The following LRRIQ3 variants were observed in gnomAD, a reference collection of about 807,000 sequenced individuals.
LRRIQ3 encodes leucine rich repeats and IQ motif containing 3.
Under a neutral mutation model 59.3 loss-of-function variants are expected in LRRIQ3, and 75 were observed. That is an observed-to-expected ratio of 1.26 (90% CI 1.05 to 1.53). The LOEUF is 1.53. Among genes scored for constraint, LRRIQ3 ranks in the 40% most tolerant of loss-of-function variants. The pLI is 0.00. For missense variants in LRRIQ3, 831 were observed against 710.0 expected (o/e 1.17, Z -1.94); for synonymous variants, 250 against 231.3 (o/e 1.08, Z -0.73).
chr1:74,179,601 C>T (rs1233719117), intron 3 of LRRIQ3, among the ~76,000 whole-genome samples: 1 of 151,846 alleles, frequency 6.6e-6, no homozygotes, highest in Admixed American at 6.6e-5. Flanking sequence ...TCCATCGGTT[C>T]ATATTTATTC....
Position 74,074,895 on chromosome 1 carries a change from A to G in LRRIQ3, c.868-105T>C, listed in dbSNP as rs147438672. ...ACATTATCATGATTGATTTTCATTT[A>G]AAACATGAAAACAAAAACCTGTGAG... On this transcript the variant is annotated intron_variant, in intron 5 of 7. Coordinates refer to ENST00000354431, the MANE Select transcript of LRRIQ3 (RefSeq NM_001105659.2). 627 of 541,514 alleles carry G rather than the reference A, an allele frequency of 1.2e-3. 2 individuals carry two copies. Among genetic ancestry groups the G allele is most frequent in the African/African-American group, 0.011 (577 of 50,578 alleles). 33.5% of individuals were successfully genotyped at this position (541,514 alleles called of 1,614,324 possible). A position where few individuals can be genotyped will look rare whatever the true frequency, so the allele number is the denominator to read the frequency against.
In LRRIQ3 at chr1:74,182,841, G is replaced by T; in HGVS notation, c.270C>A (p.Thr90=). The change falls in exon 3 of 8, where the codon ACC becomes ACA. Residue 90 remains threonine (T), a synonymous_variant. Coordinates refer to ENST00000354431, the MANE Select transcript of LRRIQ3 (RefSeq NM_001105659.2). Reference sequence around the variant, plus strand: ...GGTTCTTCAATCCATTCCAAAATTTGGTATTTGGTAGACTCTTTATCTGAA... The same window carrying T: ...GGTTCTTCAATCCATTCCAAAATTTTGTATTTGGTAGACTCTTTATCTGAA... ...HGNQIKSLPN[T]KFWNGLKNLK... 1 of 1,509,864 alleles carries T rather than the reference G, an allele frequency of 6.6e-7. No homozygotes were observed. The highest frequency in any genetic ancestry group is 1.4e-5 in the South Asian group (1 of 71,706). 93.5% of individuals were successfully genotyped at this position (1,509,864 alleles called of 1,614,324 possible).
At chr1:74,119,234 T>A (rs914756229) in intron 4 of LRRIQ3, among the ~76,000 whole-genome samples, 4 of 152,166 alleles carry the variant, frequency 2.6e-5, no homozygotes, top group African/African-American at 9.6e-5. Flanking sequence ...ACTTTAAATT[T>A]TTTTTCAAAT....
At chr1:74,030,452 T>C (rs1207625305) in intron 7 of LRRIQ3, among the ~76,000 whole-genome samples, 1 of 151,960 alleles carries the variant, frequency 6.6e-6, no homozygotes, top group African/African-American at 2.4e-5. Flanking sequence ...TCAGAAATAA[T>C]ACCACACATC....
intron 5 of LRRIQ3, among the ~76,000 whole-genome samples, chr1:74,106,062 C>G (rs1224145171): frequency 6.6e-6 from 1 of 151,836 alleles, no homozygotes; most frequent in African/African-American, 2.4e-5. Context: ...TGCTGATAAC[C>G]AGGGAGAATC....
intron 5 of LRRIQ3, among the ~76,000 whole-genome samples, chr1:74,094,538 T>C (rs1646428984): frequency 1.3e-5 from 2 of 152,110 alleles, no homozygotes; most frequent in Admixed American, 1.3e-4. Context: ...ACATCAGCCA[T>C]GTAAACACTT....
chr1:74,054,452 G>A (rs1654462041), intron 6 of LRRIQ3, among the ~76,000 whole-genome samples: 2 of 152,054 alleles, frequency 1.3e-5, no homozygotes, highest in South Asian at 4.1e-4. Flanking sequence ...ATACCGCGAT[G>A]TTGGATAAAT....
chr1:74,062,560 C>T lies in LRRIQ3; in HGVS notation c.997+12101G>A, dbSNP rs532238424. On this transcript the variant is annotated intron_variant, in intron 6 of 7. Coordinates refer to ENST00000354431, the MANE Select transcript of LRRIQ3 (RefSeq NM_001105659.2). Reference sequence around the variant, plus strand: ...GGAATAGAAATCACAGCACTATTCACAGTAGCAAAGACACAGAATCAACCT... The same window carrying T: ...GGAATAGAAATCACAGCACTATTCATAGTAGCAAAGACACAGAATCAACCT... Among the ~76,000 whole-genome samples the T allele has an allele frequency of 2.0e-5, 3 of 152,158 alleles. No individual in the cohort carries two copies. In the East Asian group the frequency reaches 5.8e-4, roughly 29 times the overall value.
chr1:74,141,937 T>C (rs1328730942), intron 4 of LRRIQ3, among the ~76,000 whole-genome samples: 1 of 151,738 alleles, frequency 6.6e-6, no homozygotes, highest in Non-Finnish European at 1.5e-5. Flanking sequence ...TTCTCATTAT[T>C]TTTAAAGGTG....
chr1:74,156,647 T>G (rs1253135894), intron 3 of LRRIQ3, among the ~76,000 whole-genome samples: 1 of 152,134 alleles, frequency 6.6e-6, no homozygotes, highest in Non-Finnish European at 1.5e-5. Flanking sequence ...CCCCCATAAA[T>G]AAAATTGATA....
chr1:74,122,759 A>G (rs933111021), intron 4 of LRRIQ3, among the ~76,000 whole-genome samples: 2 of 152,180 alleles, frequency 1.3e-5, no homozygotes, highest in Non-Finnish European at 2.9e-5. Flanking sequence ...CATTCAGGAC[A>G]TAGGCATGGG....
At chr1:74,120,023 T>A (rs1207917894) in intron 4 of LRRIQ3, among the ~76,000 whole-genome samples, 1 of 152,094 alleles carries the variant, frequency 6.6e-6, no homozygotes, top group Non-Finnish European at 1.5e-5. Flanking sequence ...TTATACTGAA[T>A]TCTCACACAG....
intron 5 of LRRIQ3, among the ~76,000 whole-genome samples, chr1:74,080,879 A>G (rs910194445): frequency 6.6e-6 from 1 of 151,582 alleles, no homozygotes; most frequent in Non-Finnish European, 1.5e-5. Flanking sequence ...GTTGTCCTCA[A>G]AGTGGGTAAA....
chr1:74,069,132 T>C (rs1448622470), intron 6 of LRRIQ3, among the ~76,000 whole-genome samples: 2 of 152,242 alleles, frequency 1.3e-5, no homozygotes, highest in East Asian at 3.9e-4. Context: ...GTAGCAGTTT[T>C]GTTCTCAGAA....
rs1404902590 is a variant in LRRIQ3 at position 74,113,484 on chromosome 1, C to A, written c.708-3931G>T. Among the ~76,000 whole-genome samples, 7 of 152,006 alleles carry A rather than the reference C, an allele frequency of 4.6e-5. No homozygotes were observed. The East Asian group carries it at 1.3e-3, about 29-fold the overall frequency. On this transcript the variant is annotated intron_variant, in intron 4 of 7. Transcript: ENST00000354431. ...CACATCATAGTAAAATTATTGAAAT[C>A]TAAAGACAGAAAATCTCGAAAATGT...
chr1:74,157,052 C>T (rs1374711711), intron 3 of LRRIQ3, among the ~76,000 whole-genome samples: 1 of 151,982 alleles, frequency 6.6e-6, no homozygotes, highest in Non-Finnish European at 1.5e-5. Flanking sequence ...AGATTAGTGC[C>T]GCTTCCGATT....
intron 4 of LRRIQ3, among the ~76,000 whole-genome samples, chr1:74,135,775 C>G (rs1308964301): frequency 6.6e-6 from 1 of 151,734 alleles, no homozygotes; most frequent in African/African-American, 2.4e-5. Context: ...ATGCCTATAT[C>G]AGAAAATAAG....
chr1:74,031,113 C>T (rs980817251), intron 7 of LRRIQ3, among the ~76,000 whole-genome samples: 1 of 152,126 alleles, frequency 6.6e-6, no homozygotes, highest in African/African-American at 2.4e-5. Context: ...CAGGAAACAA[C>T]AGGTGCTGGA....
At chr1:74,086,410 C>T (rs1646327828) in intron 5 of LRRIQ3, among the ~76,000 whole-genome samples, 1 of 152,084 alleles carries the variant, frequency 6.6e-6, no homozygotes, top group Admixed American at 6.6e-5. Flanking sequence ...ATGACAGTTG[C>T]TCAACTCTTT....
Sources: gnomAD v4.1 joint callset for allele counts (sites outside exome capture counted in the v4.1 genomes callset) on GRCh38, gnomAD v4.1.1 for gene constraint, MANE v1.5 for transcripts, NCBI Gene and HGNC (gene_info 2026-07-23, HGNC 2026-07-21) for gene names.